The following GRAMD1B variants were observed in gnomAD, a reference collection of about 807,000 sequenced individuals.
GRAMD1B encodes the protein protein Aster-B.
In GRAMD1B, 37 loss-of-function variants were observed where a neutral mutation model predicts 99.7. That is an observed-to-expected ratio of 0.37 (90% CI 0.29 to 0.49). The LOEUF is 0.49. Ranked by LOEUF, GRAMD1B falls within the 20% of genes least tolerant of loss-of-function variation. The pLI is 0.98. For synonymous variants in GRAMD1B, 427 were observed against 387.6 expected (o/e 1.10, Z -1.19); for missense variants, 888 against 1,009.2 (o/e 0.88, Z 1.63).
chr11:123,605,388 G>A lies in GRAMD1B; in HGVS notation c.1233G>A (p.Glu411=), dbSNP rs1565451140. 1 of 1,613,374 alleles carries A rather than the reference G, an allele frequency of 6.2e-7. No individual in the cohort carries two copies. Among genetic ancestry groups the A allele is most frequent in the Non-Finnish European group, 8.5e-7 (1 of 1,179,470 alleles). Residue 411 remains glutamate (E), a synonymous_variant, in exon 10 of 20, where the codon GAG becomes GAA. Transcript: ENST00000635736. ...ACAGCTCATCCAAGAGCAGCATAGA[G>A]ACCAAGCCAGATGCCAGTCCACAGC... ...VNDSSSKSSI[E]TKPDASPQLP... is the part of the protein sequence containing the mutation.
At chr11:123,490,070 G>A (rs570114053) in intron 2 of GRAMD1B, among the ~76,000 whole-genome samples, 1 of 152,302 alleles carries the variant, frequency 6.6e-6, no homozygotes, top group East Asian at 1.9e-4. Context: ...TCTCAAAAAA[G>A]TAAAGAAAGA....
chr11:123,544,233 ATATT>A (rs1306101696), intron 2 of GRAMD1B, among the ~76,000 whole-genome samples: 16 of 152,278 alleles, frequency 1.1e-4, no homozygotes, highest in Admixed American at 9.8e-4. Context: ...TTTGTTTCTG[ATATT>A]TATTTACTGC....
chr11:123,484,794 G>A (rs193109990), intron 2 of GRAMD1B, among the ~76,000 whole-genome samples: 236 of 152,162 alleles, frequency 1.6e-3, no homozygotes, highest in Admixed American at 5.2e-3. Flanking sequence ...ACAAGTTTCC[G>A]GAGCTCAAAT....
intron 11 of GRAMD1B, 81 bp downstream of exon 11, chr11:123,606,879 T>A: frequency 9.1e-7 from 1 of 1,095,182 alleles, no homozygotes. Context: ...GGGACTGTAG[T>A]TAGTCTCTAG....
intron 2 of GRAMD1B, among the ~76,000 whole-genome samples, chr11:123,489,993 C>G (rs1938363180): frequency 1.3e-5 from 2 of 152,134 alleles, no homozygotes; most frequent in Admixed American, 1.3e-4. Flanking sequence ...CCTGGGTAAC[C>G]TGGCGAAACC....
At position 123,457,116 on chromosome 11, in the gene GRAMD1B, A is replaced by AG. The variant is rs1950170700; in HGVS notation, c.375-23700_375-23699insG. Among the ~76,000 whole-genome samples, 7 of 141,088 alleles carry AG rather than the reference A, an allele frequency of 5.0e-5. 1 individual carries two copies. Among genetic ancestry groups the AG allele is most frequent in the African/African-American group, 1.6e-4 (6 of 37,592 alleles). 92.6% of individuals were successfully genotyped at this position (141,088 alleles called of 152,430 possible). ...GACAGAGAGAGACCCTTTCTGAGAA[A>AG]AAAAGAAAGAAAGAAAGAAAGAATT... On this transcript the variant is annotated intron_variant, in intron 1 of 19. Transcript: ENST00000635736.
Position 123,610,456 on chromosome 11 carries a change from T to C in GRAMD1B, c.1919+118T>C. On this transcript the variant is annotated intron_variant, in intron 14 of 19. Transcript: ENST00000635736. This position sits in a 1 kb window ranked among gnomAD's most constrained non-coding sequence, Gnocchi z 4.1. Reference sequence around the variant, plus strand: ...GTGCTTGGCTGCTGACTCTCTTTATTCTACTTTCTCTCCGAAGCCTTATGA... The same window carrying C: ...GTGCTTGGCTGCTGACTCTCTTTATCCTACTTTCTCTCCGAAGCCTTATGA... 1.0e-6 allele frequency: 1 copy of C among 962,394 alleles called. No homozygotes were observed. Among genetic ancestry groups the C allele is most frequent in the South Asian group, 1.5e-5 (1 of 68,814 alleles). 59.6% of individuals were successfully genotyped at this position (962,394 alleles called of 1,614,324 possible). A position where few individuals can be genotyped will look rare whatever the true frequency, so the allele number is the denominator to read the frequency against.
At chr11:123,502,862 T>C (rs958442977) in intron 2 of GRAMD1B, among the ~76,000 whole-genome samples, 2 of 151,910 alleles carry the variant, frequency 1.3e-5, no homozygotes, top group Non-Finnish European at 1.5e-5. Context: ...GCCTGGCCTA[T>C]CTTAAACATA....
At chr11:123,435,213 A>T (rs1273222266) in intron 1 of GRAMD1B, among the ~76,000 whole-genome samples, 1 of 152,194 alleles carries the variant, frequency 6.6e-6, no homozygotes, top group Non-Finnish European at 1.5e-5. Flanking sequence ...GGATTAGCAT[A>T]CCAGGCCCAG....
rs1950179766 is a variant in GRAMD1B, at chr11:123,587,391, T to C, written c.684+3059T>C. Among the ~76,000 whole-genome samples the C allele has an allele frequency of 6.6e-6, 1 of 152,148 alleles. No homozygotes were observed. The highest frequency in any genetic ancestry group is 6.5e-5 in the Admixed American group (1 of 15,276). On this transcript the variant is annotated intron_variant, in intron 4 of 19. Coordinates refer to ENST00000635736, the MANE Select transcript of GRAMD1B (RefSeq NM_001387025.1). The surrounding 1 kb of genome is among the most constrained non-coding windows in gnomAD (Gnocchi z 4.2). ...CAGTCTACCACCCCAGTCATATTCA[T>C]CAGGGCCTTCAGATCAAGGGAGCTG... is the stretch of plus-strand genomic sequence containing the variant.
rs1046999382 is a variant in GRAMD1B at position 123,430,556 on chromosome 11, C to T, written c.-237C>T. The T allele has an allele frequency of 2.2e-6, 1 of 450,606 alleles. No homozygotes were observed. Among genetic ancestry groups the T allele is most frequent in the East Asian group, 3.6e-5 (1 of 27,794 alleles). 27.9% of individuals were successfully genotyped at this position (450,606 alleles called of 1,614,324 possible). On this transcript the variant is annotated 5_prime_UTR_variant, in exon 1 of 20. Coordinates refer to ENST00000635736, the MANE Select transcript of GRAMD1B (RefSeq NM_001387025.1). ...GGCTCCCGCCCCTCCCGGGTGGCCT[C>T]GCCGGCGGCTGACGGCCCGGAGGAC...
At chr11:123,517,183 G>A (rs1245084178) in intron 2 of GRAMD1B, among the ~76,000 whole-genome samples, 1 of 152,168 alleles carries the variant, frequency 6.6e-6, no homozygotes, top group Non-Finnish European at 1.5e-5. Flanking sequence ...GCCTCCCAAA[G>A]TGCTGGGATT....
intron 2 of GRAMD1B, among the ~76,000 whole-genome samples, chr11:123,576,859 T>C (rs1042578859): frequency 2.6e-5 from 4 of 152,240 alleles, no homozygotes; most frequent in Admixed American, 6.5e-5. Context: ...CATTACTCCC[T>C]TGGTGGAATG....
At chr11:123,457,996 G>A (rs917659705) in intron 1 of GRAMD1B, among the ~76,000 whole-genome samples, 14 of 152,318 alleles carry the variant, frequency 9.2e-5, no homozygotes, top group African/African-American at 2.4e-4. Flanking sequence ...GATTACAGGC[G>A]TAAGCCACCA....
intron 1 of GRAMD1B, among the ~76,000 whole-genome samples, chr11:123,457,040 A>G (rs1950163630): frequency 6.6e-6 from 1 of 150,548 alleles, no homozygotes; most frequent in East Asian, 2.0e-4. Flanking sequence ...TAAGCCCAGG[A>G]GGTCAAGGCT....
intron 7 of GRAMD1B, among the ~76,000 whole-genome samples, chr11:123,596,691 G>A (rs925340004): frequency 2.0e-5 from 3 of 152,224 alleles, no homozygotes; most frequent in African/African-American, 7.2e-5. Flanking sequence ...TGTTTGGTTT[G>A]ACCTATATTT....
chr11:123,462,652 G>A (rs1417968611), intron 1 of GRAMD1B, among the ~76,000 whole-genome samples: 1 of 152,168 alleles, frequency 6.6e-6, no homozygotes, highest in Non-Finnish European at 1.5e-5. Flanking sequence ...ACCTTAAACT[G>A]AAATCCCTGT....
intron 1 of GRAMD1B, among the ~76,000 whole-genome samples, chr11:123,467,772 G>A (rs983381239): frequency 1.3e-5 from 2 of 151,718 alleles, no homozygotes; most frequent in South Asian, 2.1e-4. Context: ...CATCCAGCAC[G>A]GCCTAGCAGG....
intron 2 of GRAMD1B, among the ~76,000 whole-genome samples, chr11:123,540,594 T>G (rs1168688430): frequency 1.9e-5 from 1 of 51,600 alleles, no homozygotes; most frequent in East Asian, 7.1e-4. Flanking sequence ...ATAATTTGTT[T>G]GACTGTTGTT....
Sources: gnomAD v4.1 joint callset for allele counts (sites outside exome capture counted in the v4.1 genomes callset) on GRCh38, gnomAD v4.1.1 for gene constraint, Gnocchi (gnomAD v3.1) non-coding constraint, MANE v1.5 for transcripts, NCBI Gene and HGNC (gene_info 2026-07-23, HGNC 2026-07-21) for gene names.